CACNA2D1: variants seen among roughly 807,000 people sequenced by gnomAD.
CACNA2D1 encodes the protein calcium voltage-gated channel auxiliary subunit alpha2delta 1.
CACNA2D1 carries 53 observed loss-of-function variants against 171.5 expected under a neutral mutation model. The ratio of observed to expected loss-of-function variants is 0.31; its 90% CI spans 0.25 to 0.39. CACNA2D1 has a LOEUF of 0.39. CACNA2D1 is among the 10% of genes least tolerant of loss of function. The pLI is 1.00. For missense variants in CACNA2D1, 903 were observed against 1,299.8 expected (o/e 0.69, Z 4.69); for synonymous variants, 442 against 443.1 (o/e 1.00, Z 0.03).
chr7:82,095,430 C>T (rs1333950533), intron 6 of CACNA2D1, among the ~76,000 whole-genome samples: 1 of 152,204 alleles, frequency 6.6e-6, no homozygotes, highest in South Asian at 2.1e-4. Context: ...TTCCCTGATG[C>T]CTAGAATATA....
chr7:82,306,287 G>A (rs180894424), intron 3 of CACNA2D1, among the ~76,000 whole-genome samples: 1 of 152,196 alleles, frequency 6.6e-6, no homozygotes, highest in East Asian at 1.9e-4. Flanking sequence ...AGAACCCTAA[G>A]ACAAGTAAGA....
chr7:81,975,943 A>G (rs961215115), intron 24 of CACNA2D1, among the ~76,000 whole-genome samples: 2 of 152,024 alleles, frequency 1.3e-5, no homozygotes, highest in African/African-American at 4.8e-5. Flanking sequence ...TGGCTATCCA[A>G]ATCTGAATAA....
At chr7:82,373,860 A>C (rs1235379237) in intron 1 of CACNA2D1, among the ~76,000 whole-genome samples, 1 of 152,230 alleles carries the variant, frequency 6.6e-6, no homozygotes, top group Non-Finnish European at 1.5e-5. Context: ...TTAAAACAAA[A>C]ATATGCAATT....
chr7:82,284,765 A>C (rs1276790674), intron 3 of CACNA2D1, among the ~76,000 whole-genome samples: 1 of 152,156 alleles, frequency 6.6e-6, no homozygotes, highest in Non-Finnish European at 1.5e-5. Context: ...CTTGAGGGTT[A>C]AGTTCCAATA....
At chr7:82,148,301 G>A (rs967504045) in intron 4 of CACNA2D1, among the ~76,000 whole-genome samples, 12 of 149,618 alleles carry the variant, frequency 8.0e-5, no homozygotes, top group African/African-American at 2.7e-4. Context: ...AAACTAAGAA[G>A]TCTAAATGAT....
chr7:82,010,226 C>G (rs145678911), intron 15 of CACNA2D1, among the ~76,000 whole-genome samples: 68 of 152,066 alleles, frequency 4.5e-4, no homozygotes, highest in African/African-American at 1.6e-3. Flanking sequence ...TTTAATATAA[C>G]TGTTTATTTT....
At chr7:82,040,333 G>A (rs1803782667) in intron 10 of CACNA2D1, among the ~76,000 whole-genome samples, 1 of 151,542 alleles carries the variant, frequency 6.6e-6, no homozygotes, top group Non-Finnish European at 1.5e-5. Context: ...GAGAAGAGAA[G>A]CACAGAGTTC....
At chr7:82,181,325 G>C (rs1182937653) in intron 3 of CACNA2D1, among the ~76,000 whole-genome samples, 1 of 152,086 alleles carries the variant, frequency 6.6e-6, no homozygotes, top group Non-Finnish European at 1.5e-5. Flanking sequence ...CATTTAACTA[G>C]TGTCATCTTT....
At chr7:82,393,460 A>G (rs1014189540) in intron 1 of CACNA2D1, among the ~76,000 whole-genome samples, 2 of 152,210 alleles carry the variant, frequency 1.3e-5, no homozygotes, top group Non-Finnish European at 2.9e-5. Context: ...AGCTAATAAG[A>G]TATATATTGA....
At chr7:82,233,187 G>A (rs1005557813) in intron 3 of CACNA2D1, among the ~76,000 whole-genome samples, 1 of 152,116 alleles carries the variant, frequency 6.6e-6, no homozygotes, top group Admixed American at 6.5e-5. Context: ...GTTATATAGT[G>A]ATGGCTACAT....
intron 24 of CACNA2D1, among the ~76,000 whole-genome samples, chr7:81,979,271 T>TATATGTAAATA (rs1027492414): frequency 6.6e-6 from 1 of 151,834 alleles, no homozygotes; most frequent in African/African-American, 2.4e-5. Flanking sequence ...TAGTTGTACA[T>TATATGTAAATA]ATATGTAAAT....
chr7:82,290,858 A>G (rs2129396149), intron 3 of CACNA2D1, among the ~76,000 whole-genome samples: 1 of 152,036 alleles, frequency 6.6e-6, no homozygotes, highest in East Asian at 1.9e-4. Context: ...GGCCTCCCAA[A>G]GTGCTGGGAT....
At position 82,277,234 on chromosome 7, in the gene CACNA2D1, G is replaced by A. The variant is rs187924451; in HGVS notation, c.294+57901C>T. ...TTCTTTTGGAGGGGGATGAAGTCTC[G>A]CTGTGTCGCCCAGGCTGTAGTGCAG... is the stretch of plus-strand genomic sequence containing the variant. On this transcript the variant is annotated intron_variant, in intron 3 of 38. Transcript: ENST00000356860. Among the ~76,000 whole-genome samples the A allele has an allele frequency of 5.9e-5, 9 of 151,696 alleles. No individual in the cohort carries two copies. The East Asian group carries it at 7.9e-4, about 13-fold the overall frequency.
chr7:81,997,359 C>T (rs1224801131), intron 18 of CACNA2D1, 109 bp from the exon 19 acceptor site: 2 of 684,438 alleles, frequency 2.9e-6, no homozygotes, highest in Non-Finnish European at 2.7e-6. Flanking sequence ...ACCTAGGATA[C>T]AATAATTGTA....
intron 3 of CACNA2D1, among the ~76,000 whole-genome samples, chr7:82,289,108 T>C (rs1218224674): frequency 6.6e-6 from 1 of 152,160 alleles, no homozygotes; most frequent in Admixed American, 6.5e-5. Context: ...TTGTCCTTTA[T>C]AAAACAGAAA....
intron 1 of CACNA2D1, among the ~76,000 whole-genome samples, chr7:82,358,716 G>C (rs1327518995): frequency 6.6e-6 from 1 of 151,780 alleles, no homozygotes; most frequent in African/African-American, 2.4e-5. Flanking sequence ...ATCTGTGTGA[G>C]TGTGCAGTTA....
intron 1 of CACNA2D1, among the ~76,000 whole-genome samples, chr7:82,433,374 T>G (rs1403350058): frequency 6.6e-6 from 1 of 152,126 alleles, no homozygotes; most frequent in Non-Finnish European, 1.5e-5. Flanking sequence ...TCTAGTCCAT[T>G]CCTCTCAAAA....
chr7:82,092,540 CTTTTTTTTTT>C (rs71093360), intron 6 of CACNA2D1, among the ~76,000 whole-genome samples: 37 of 102,678 alleles, frequency 3.6e-4, no homozygotes, highest in Middle Eastern at 0.011. Flanking sequence ...GCCCAGCTAA[CTTTTTTTTTT>C]TTTTTTTTTT....
intron 7 of CACNA2D1, among the ~76,000 whole-genome samples, 174 bp downstream of exon 7, chr7:82,084,595 T>G (rs1008296825): frequency 6.6e-6 from 1 of 152,164 alleles, no homozygotes; most frequent in Non-Finnish European, 1.5e-5. Context: ...CCTTAGGTAT[T>G]TCAGTTTAAA....
Sources: gnomAD v4.1 joint callset for allele counts (sites outside exome capture counted in the v4.1 genomes callset) on GRCh38, gnomAD v4.1.1 for gene constraint, MANE v1.5 for transcripts, NCBI Gene and HGNC (gene_info 2026-07-23, HGNC 2026-07-21) for gene names.